TAMM41: variants seen among roughly 807,000 people sequenced by gnomAD.
TAMM41 encodes phosphatidate cytidylyltransferase, mitochondrial.
Under a neutral mutation model 44.1 loss-of-function variants are expected in TAMM41, and 36 were observed. The ratio of observed to expected loss-of-function variants is 0.82; its 90% CI spans 0.63 to 1.08. TAMM41 has a LOEUF of 1.08. TAMM41 is among the 50% of genes least tolerant of loss of function. The probability of loss-of-function intolerance (pLI) is 0.00; values close to 1 mark genes in which losing one functional copy is unlikely to be tolerated. For synonymous variants in TAMM41, 164 were observed against 153.1 expected (o/e 1.07, Z -0.53); for missense variants, 417 against 404.3 (o/e 1.03, Z -0.27).
the TAMM41 span, among the ~76,000 whole-genome samples, chr3:11,779,299 T>C: frequency 6.3e-3 from 966 of 152,218 alleles, 2 homozygotes; most frequent in Non-Finnish European, 0.01. Flanking sequence ...ACCTTTACTC[T>C]TTACAAATTA....
At chr3:11,772,682 C>A in the TAMM41 span, among the ~76,000 whole-genome samples, 1 of 151,988 alleles carries the variant, frequency 6.6e-6, no homozygotes, top group African/African-American at 2.4e-5. Flanking sequence ...GGGTAGATAC[C>A]CAGTAAAGGG....
chr3:11,807,720 A>G, intron 7 of TAMM41, 113 bp downstream of exon 7: 2 of 1,536,232 alleles, frequency 1.3e-6, no homozygotes, highest in Non-Finnish European at 1.7e-6. Flanking sequence ...TATGGCCATC[A>G]AAGCTCAGCA....
intron 7 of TAMM41, among the ~76,000 whole-genome samples, chr3:11,796,903 A>G (rs2077619501): frequency 6.6e-6 from 1 of 152,098 alleles, no homozygotes; most frequent in African/African-American, 2.4e-5. Context: ...ACGCAACCCC[A>G]TTCACAACTG....
At chr3:11,729,614 C>T in the TAMM41 span, among the ~76,000 whole-genome samples, 2 of 127,422 alleles carry the variant, frequency 1.6e-5, no homozygotes, top group African/African-American at 5.9e-5. Flanking sequence ...AGGCTGGAGT[C>T]CAGTGGTGCC....
chr3:11,745,764 G>A, the TAMM41 span, among the ~76,000 whole-genome samples: 8 of 152,242 alleles, frequency 5.3e-5, no homozygotes, highest in South Asian at 6.2e-4. Flanking sequence ...GTGGTGATAC[G>A]GGCATAGCTG....
At chr3:11,767,625 C>CTTTTTTTTTTTTTTTT in the TAMM41 span, among the ~76,000 whole-genome samples, 29 of 27,900 alleles carry the variant, frequency 1.0e-3, no homozygotes, top group Non-Finnish European at 1.4e-3. Flanking sequence ...ACACGTTGTG[C>CTTTTTTTTTTTTTTTT]ATTTTTTTTT....
At chr3:11,771,334 G>T in the TAMM41 span, 1 of 152,220 alleles carries the variant, frequency 6.6e-6, no homozygotes, top group East Asian at 1.9e-4. Context: ...GGACGGGCTG[G>T]GCGTTTTAGA....
At chr3:11,795,322 G>A (rs2077578668) in intron 7 of TAMM41, among the ~76,000 whole-genome samples, 1 of 152,128 alleles carries the variant, frequency 6.6e-6, no homozygotes, top group Admixed American at 6.6e-5. Context: ...CTCTGCTCAG[G>A]GAATGAATGG....
chr3:11,812,078 C>T (rs1037592456), intron 5 of TAMM41, among the ~76,000 whole-genome samples: 1 of 152,068 alleles, frequency 6.6e-6, no homozygotes, highest in African/African-American at 2.4e-5. Context: ...CAGGCGCACA[C>T]CACCATGCCT....
the TAMM41 span, among the ~76,000 whole-genome samples, chr3:11,724,405 T>TTTTTTATTTTTA: frequency 1.4e-5 from 2 of 139,636 alleles, no homozygotes; most frequent in East Asian, 4.5e-4. Context: ...ACCTGGCCTA[T>TTTTTTATTTTTA]TTTTTATTTT....
intron 3 of TAMM41, among the ~76,000 whole-genome samples, chr3:11,837,235 G>C (rs867363813): frequency 6.6e-6 from 1 of 152,088 alleles, no homozygotes; most frequent in East Asian, 1.9e-4. Context: ...CATCACTGTT[G>C]GGGGAGACAC....
intron 2 of TAMM41, among the ~76,000 whole-genome samples, chr3:11,840,008 T>C (rs1056023486): frequency 5.3e-5 from 8 of 152,048 alleles, no homozygotes; most frequent in Admixed American, 3.9e-4. Context: ...CAACACTCAA[T>C]TGGTCCTGTT....
chr3:11,747,131 C>G, the TAMM41 span, among the ~76,000 whole-genome samples: 1 of 152,142 alleles, frequency 6.6e-6, no homozygotes, highest in East Asian at 1.9e-4. Flanking sequence ...GGTGTAATCT[C>G]GGCTCACTGT....
At chr3:11,766,838 G>C in the TAMM41 span, among the ~76,000 whole-genome samples, 4 of 151,952 alleles carry the variant, frequency 2.6e-5, no homozygotes, top group Admixed American at 2.6e-4. Context: ...CTAAAGTGTG[G>C]GATTACAGGT....
chr3:11,807,400 G>C (rs3796330), intron 7 of TAMM41: 161,274 of 1,524,646 alleles, frequency 0.11, 9,313 homozygotes, highest in South Asian at 0.16. Flanking sequence ...TAGAGAAGGA[G>C]CAACGAAAAC....
intron 5 of TAMM41, among the ~76,000 whole-genome samples, chr3:11,815,864 C>G (rs2078257062): frequency 6.6e-6 from 1 of 152,150 alleles, no homozygotes; most frequent in African/African-American, 2.4e-5. Flanking sequence ...ACGAAAGCAG[C>G]TGCCTCTGGT....
At chr3:11,742,630 A>G in the TAMM41 span, among the ~76,000 whole-genome samples, 1 of 133,988 alleles carries the variant, frequency 7.5e-6, no homozygotes. Flanking sequence ...TTGCCCTGTT[A>G]TGCTGGAGGG....
At chr3:11,732,339 C>T in the TAMM41 span, among the ~76,000 whole-genome samples, 13 of 151,576 alleles carry the variant, frequency 8.6e-5, no homozygotes, top group Admixed American at 5.3e-4. Context: ...TCTCTCCCTC[C>T]CTGCCTTCCT....
At chr3:11,732,420 C>T in the TAMM41 span, among the ~76,000 whole-genome samples, 1 of 152,092 alleles carries the variant, frequency 6.6e-6, no homozygotes, top group Non-Finnish European at 1.5e-5. Context: ...GTCAGTAAGA[C>T]AAGCAAGGTT....
Sources: allele counts gnomAD v4.1 joint callset (sites outside exome capture counted in the v4.1 genomes callset), GRCh38; gene constraint gnomAD v4.1.1; transcripts MANE v1.5; gene names NCBI Gene and HGNC (gene_info 2026-07-23, HGNC 2026-07-21).